Variants in ANKS1A observed in about 807,000 individuals in gnomAD.
The protein encoded by ANKS1A is ankyrin repeat and SAM domain-containing protein 1A.
In ANKS1A, 55 loss-of-function variants were observed where a neutral mutation model predicts 120.3. The observed-to-expected ratio is 0.46, with a 90% confidence interval of 0.37 to 0.57. ANKS1A has a LOEUF of 0.57. Ranked by LOEUF, ANKS1A falls within the 20% of genes least tolerant of loss-of-function variation. The pLI, the probability that ANKS1A is intolerant of heterozygous loss-of-function variation, is 0.00. For synonymous variants in ANKS1A, 590 were observed against 604.7 expected, an observed-to-expected ratio of 0.98 and a Z score of 0.36; for missense variants, 1,123 against 1,480.3, an observed-to-expected ratio of 0.76 and a Z score of 3.96.
intron 1 of ANKS1A, among the ~76,000 whole-genome samples, chr6:34,897,955 C>CT (rs1207101915): frequency 6.6e-6 from 1 of 152,132 alleles, no homozygotes; most frequent in Non-Finnish European, 1.5e-5. Flanking sequence ...TGCCTTGTGA[C>CT]TTAGGCAAAT....
chr6:34,925,949 A>G (rs36037051), intron 1 of ANKS1A, among the ~76,000 whole-genome samples: 5,091 of 152,278 alleles, frequency 0.033, 134 homozygotes, highest in Middle Eastern at 0.065. Flanking sequence ...AAATGTCAGT[A>G]GGCGGAGGTT....
At chr6:34,978,931 T>C (rs531797538) in intron 3 of ANKS1A, among the ~76,000 whole-genome samples, 84 of 151,848 alleles carry the variant, frequency 5.5e-4, no homozygotes, top group Non-Finnish European at 5.9e-5. Context: ...AGTCTTGTTC[T>C]GTCGCCCAGG....
At position 35,089,982 on chromosome 6, in the gene ANKS1A, A is replaced by T; in HGVS notation, c.*1373A>T. The T allele has an allele frequency of 8.5e-7, 1 of 1,172,808 alleles. No individual in the cohort carries two copies. The highest frequency in any genetic ancestry group is 1.7e-5 in the South Asian group (1 of 59,874). 72.7% of individuals were successfully genotyped at this position (1,172,808 alleles called of 1,614,324 possible). On this transcript the variant is annotated 3_prime_UTR_variant, in exon 24 of 24. Coordinates refer to ENST00000360359, the MANE Select transcript of ANKS1A (RefSeq NM_015245.3). ...CTGTGAATTTGAATTCTTTGTTGGT[A>T]TGTATGTGCAGGGAGTACTGTTAGG...
intron 16 of ANKS1A, among the ~76,000 whole-genome samples, 186 bp from the exon 17 acceptor site, chr6:35,080,808 G>A (rs1269477983): frequency 6.6e-6 from 1 of 152,168 alleles, no homozygotes. Flanking sequence ...CCTCTCGGGG[G>A]ACACTAGTGG....
chr6:35,091,770 G>T (rs1778314203), downstream of ANKS1A, among the ~76,000 whole-genome samples: 1 of 152,210 alleles, frequency 6.6e-6, no homozygotes, highest in African/African-American at 2.4e-5. Flanking sequence ...GCAGCCTGGG[G>T]GATCTAGAGC....
chr6:35,071,374 GCTGT>G (rs1211927068), intron 13 of ANKS1A, among the ~76,000 whole-genome samples: 3 of 152,196 alleles, frequency 2.0e-5, no homozygotes, highest in African/African-American at 7.2e-5. Context: ...TTTCGGGGCT[GCTGT>G]CTGTCATGCG....
In ANKS1A at chr6:34,985,073, T is replaced by G; in HGVS notation, c.1013-9T>G. ...TCAGTGACTCTCTTGCCCTCCATCC[T>G]CCTCTCAGGTGACGTGGAGAAAGCA... On this transcript the variant is annotated splice_polypyrimidine_tract_variant and intron_variant, in intron 7 of 23. Coordinates refer to ENST00000360359, the MANE Select transcript of ANKS1A (RefSeq NM_015245.3). 1.2e-6 allele frequency: 2 copies of G among 1,609,548 alleles called. No individual in the cohort carries two copies. The highest frequency in any genetic ancestry group is 1.7e-6 in the Non-Finnish European group (2 of 1,177,202).
chr6:35,086,437 G>C lies in ANKS1A; in HGVS notation c.3303+501G>C, dbSNP rs867577031. The C allele has an allele frequency of 9.5e-5, 106 of 1,121,142 alleles. No homozygotes were observed. The African/African-American group carries it at 1.5e-3, about 16-fold the overall frequency. The allele number at this position is 1,121,142 out of a possible 1,614,324, so 69.4% of individuals were successfully genotyped here. ...TGACCGTGAGCGCTCTTAGCCTCTG[G>C]CGGCCTCTCCCTCTGCCTGTGTGAC... On this transcript the variant is annotated intron_variant, in intron 22 of 23. Transcript: ENST00000360359. This position sits in a 1 kb window ranked among gnomAD's most constrained non-coding sequence, Gnocchi z 5.1.
At position 35,058,278 on chromosome 6, in the gene ANKS1A, G is replaced by A. The variant is rs1021081114; in HGVS notation, c.2078-1869G>A. On this transcript the variant is annotated intron_variant, in intron 12 of 23. Coordinates refer to ENST00000360359, the MANE Select transcript of ANKS1A (RefSeq NM_015245.3). The surrounding 1 kb of genome is among the most constrained non-coding windows in gnomAD (Gnocchi z 5.1). ...AGACAAAGCATTCTGCTGCGGCTCTGTCAGCGCGCACATCCACCGGCAGCA... is the reference window on the plus strand; with the variant it reads ...AGACAAAGCATTCTGCTGCGGCTCTATCAGCGCGCACATCCACCGGCAGCA... 4 of 152,256 alleles carry A rather than the reference G, an allele frequency of 2.6e-5. No individual in the cohort carries two copies. Among genetic ancestry groups the A allele is most frequent in the Non-Finnish European group, 5.9e-5 (4 of 68,066 alleles). The allele number at this position is 152,256 out of a possible 1,614,324, so 9.4% of individuals were successfully genotyped here.
At chr6:34,926,906 CA>C (rs1768745883) in intron 1 of ANKS1A, among the ~76,000 whole-genome samples, 1 of 152,054 alleles carries the variant, frequency 6.6e-6, no homozygotes, top group African/African-American at 2.4e-5. Flanking sequence ...AATTATGGTA[CA>C]GTATGAAGTA....
At chr6:35,010,201 G>A (rs1231872319) in intron 10 of ANKS1A, among the ~76,000 whole-genome samples, 2 of 151,950 alleles carry the variant, frequency 1.3e-5, no homozygotes, top group Non-Finnish European at 2.9e-5. Flanking sequence ...TTAAAGAGTA[G>A]AGCTTATGTT....
chr6:34,972,626 C>G (rs1406938175), intron 3 of ANKS1A: 4 of 985,156 alleles, frequency 4.1e-6, no homozygotes, highest in South Asian at 4.7e-5. Flanking sequence ...CCCCTTTGAC[C>G]CTTATATCAA....
chr6:35,028,893 C>T (rs1774759991), intron 11 of ANKS1A, among the ~76,000 whole-genome samples: 2 of 152,166 alleles, frequency 1.3e-5, no homozygotes, highest in African/African-American at 4.8e-5. Flanking sequence ...AATGCAAATC[C>T]TTGTACAGAG....
intron 1 of ANKS1A, among the ~76,000 whole-genome samples, chr6:34,956,800 C>T (rs1003073289): frequency 6.6e-6 from 1 of 152,150 alleles, no homozygotes; most frequent in Non-Finnish European, 1.5e-5. Context: ...AATATTCCTG[C>T]GTCTAGATCC....
intron 1 of ANKS1A, among the ~76,000 whole-genome samples, chr6:34,895,915 G>A (rs894577885): frequency 9.4e-5 from 14 of 149,122 alleles, no homozygotes; most frequent in Admixed American, 5.4e-4. Flanking sequence ...TCAGCCTCCC[G>A]AGTAGCTGGG....
At chr6:34,902,916 G>T (rs189791910) in intron 1 of ANKS1A, among the ~76,000 whole-genome samples, 1,591 of 151,090 alleles carry the variant, frequency 0.011, 11 homozygotes, top group Non-Finnish European at 0.016. Context: ...ATGTTCTTTT[G>T]TAAAATTTAT....
At chr6:35,072,973 C>G (rs899189407) in intron 13 of ANKS1A, among the ~76,000 whole-genome samples, 4 of 152,240 alleles carry the variant, frequency 2.6e-5, no homozygotes, top group Non-Finnish European at 1.5e-5. Context: ...GGGGCCTGAG[C>G]AGTCCCTTTG....
chr6:35,078,756 C>A, intron 14 of ANKS1A, 100 bp downstream of exon 14: 5 of 1,143,036 alleles, frequency 4.4e-6, no homozygotes, highest in Non-Finnish European at 6.4e-6. Flanking sequence ...GGCTCCAGCA[C>A]ACGCACATCA....
At chr6:34,962,513 C>T (rs777043100) in intron 1 of ANKS1A, among the ~76,000 whole-genome samples, 3 of 152,130 alleles carry the variant, frequency 2.0e-5, no homozygotes, top group Non-Finnish European at 4.4e-5. Flanking sequence ...CTTGGCCAGG[C>T]GCTGTGGCTC....
Sources: allele counts gnomAD v4.1 joint callset (sites outside exome capture counted in the v4.1 genomes callset), GRCh38; gene constraint gnomAD v4.1.1; non-coding constraint Gnocchi (gnomAD v3.1); transcripts MANE v1.5; gene names NCBI Gene and HGNC (gene_info 2026-07-23, HGNC 2026-07-21).